Variants in SPON2 observed in about 807,000 individuals in gnomAD.
The protein encoded by SPON2 is spondin-2.
SPON2 carries 32 observed loss-of-function variants against 29.9 expected under a neutral mutation model. The observed-to-expected ratio is 1.07, with a 90% CI of 0.81 to 1.44. The LOEUF (loss-of-function observed/expected upper bound fraction) is 1.44. Ranked by LOEUF, SPON2 falls within the 40% of genes most tolerant of loss-of-function variation. The probability of loss-of-function intolerance (pLI) is 0.00; values close to 1 mark genes in which losing one functional copy is unlikely to be tolerated. For missense variants in SPON2, 541 were observed against 455.5 expected, an observed-to-expected ratio of 1.19 and a Z score of -1.71; for synonymous variants, 248 against 209.1, an observed-to-expected ratio of 1.19 and a Z score of -1.61.
upstream of SPON2, among the ~76,000 whole-genome samples, chr4:1,177,559 C>T (rs1727627736): frequency 6.6e-6 from 1 of 152,114 alleles, no homozygotes; most frequent in African/African-American, 2.4e-5. Context: ...GGCGAGCCTC[C>T]CCTAACTGCC....
intron 1 of SPON2, among the ~76,000 whole-genome samples, chr4:1,204,410 G>A (rs1157567007): frequency 6.6e-6 from 1 of 152,182 alleles, no homozygotes; most frequent in Non-Finnish European, 1.5e-5. Flanking sequence ...TACAGACCCG[G>A]GAGGGTGGCT....
At chr4:1,195,871 G>A (rs73188268), upstream of SPON2, among the ~76,000 whole-genome samples, 674 of 152,326 alleles carry the variant, frequency 4.4e-3, no homozygotes, top group Non-Finnish European at 7.2e-3. Flanking sequence ...CTGGCTTCGA[G>A]CCATCCTCCT....
At chr4:1,174,532 A>C (rs541049918), upstream of SPON2, among the ~76,000 whole-genome samples, 1 of 152,038 alleles carries the variant, frequency 6.6e-6, no homozygotes, top group African/African-American at 2.4e-5. Context: ...AACAAAAAAA[A>C]CTAATTGAGG....
chr4:1,174,812 C>G (rs781765409), upstream of SPON2, among the ~76,000 whole-genome samples: 1 of 152,194 alleles, frequency 6.6e-6, no homozygotes, highest in Non-Finnish European at 1.5e-5. Flanking sequence ...CATATCGGCT[C>G]CAGCACTTCA....
At chr4:1,186,919 C>T (rs571052634) in intron 1 of SPON2, among the ~76,000 whole-genome samples, 1 of 152,174 alleles carries the variant, frequency 6.6e-6, no homozygotes, top group Non-Finnish European at 1.5e-5. Context: ...CCCTGGAGAA[C>T]TATTGATGGG....
At chr4:1,175,330 G>A (rs1247439094), upstream of SPON2, among the ~76,000 whole-genome samples, 1 of 152,226 alleles carries the variant, frequency 6.6e-6, no homozygotes, top group Admixed American at 6.5e-5. Context: ...CCGTGGCAGC[G>A]GCTTCCAGGC....
At chr4:1,194,036 G>A (rs537077646) in intron 1 of SPON2, among the ~76,000 whole-genome samples, 89 of 152,154 alleles carry the variant, frequency 5.8e-4, no homozygotes, top group African/African-American at 2.0e-3. Context: ...CTGTGGCCCA[G>A]CAGCTGTTCC....
At chr4:1,191,792 C>T (rs890337727) in intron 1 of SPON2, among the ~76,000 whole-genome samples, 5 of 152,202 alleles carry the variant, frequency 3.3e-5, no homozygotes, top group Admixed American at 6.5e-5. Context: ...TGCGAGGCAG[C>T]GGTTGGATCA....
At chr4:1,168,329 CCCG>C (rs1240666615) in intron 5 of SPON2, among the ~76,000 whole-genome samples, 1 of 152,206 alleles carries the variant, frequency 6.6e-6, no homozygotes, top group Non-Finnish European at 1.5e-5. Flanking sequence ...GGCCAGGAGC[CCCG>C]CCTCACTCTG....
chr4:1,190,608 A>T (rs528665851), intron 1 of SPON2, among the ~76,000 whole-genome samples: 25 of 152,388 alleles, frequency 1.6e-4, no homozygotes, highest in African/African-American at 5.8e-4. Flanking sequence ...AGTTGGTTCA[A>T]TATGAATGAT....
chr4:1,191,151 T>C (rs1302665131), intron 1 of SPON2, among the ~76,000 whole-genome samples: 3 of 151,796 alleles, frequency 2.0e-5, no homozygotes, highest in African/African-American at 7.3e-5. Context: ...AGGCCTCAGA[T>C]TGCCAAAACT....
At chr4:1,176,834 A>ATC (rs1356936268), upstream of SPON2, among the ~76,000 whole-genome samples, 5 of 119,292 alleles carry the variant, frequency 4.2e-5, no homozygotes, top group Non-Finnish European at 8.7e-5. Flanking sequence ...TCATTCATTC[A>ATC]CACAGTTCAT....
chr4:1,171,440 G>T lies in SPON2; in HGVS notation c.267C>A (p.Tyr89Ter). 1 of 1,612,258 alleles carries T rather than the reference G, an allele frequency of 6.2e-7. No individual in the cohort carries two copies. The highest frequency in any genetic ancestry group is 8.5e-7 in the Non-Finnish European group (1 of 1,179,756). ...SDYSMWRKNQ[Y>*]VSNGLRDFAE... Reference sequence around the variant, plus strand: ...CAAAGTCGCGCAGCCCGTTACTGACGTACTGGTTCTTCCTCCACATGCTGT... The same window carrying T: ...CAAAGTCGCGCAGCCCGTTACTGACTTACTGGTTCTTCCTCCACATGCTGT... Residue 89 changes from tyrosine to a stop codon, truncating the protein, a stop_gained, in exon 3 of 6, where the codon TAC (tyrosine) becomes TAA (stop). Coordinates refer to ENST00000290902, the MANE Select transcript of SPON2 (RefSeq NM_012445.4). LOFTEE classifies it high-confidence loss of function.
In SPON2 at chr4:1,171,300, G is replaced by C; in HGVS notation, c.407C>G (p.Thr136Arg). The stretch of plus-strand genomic sequence containing the variant: ...GCGCTGCACCTCCAGCTCCGCCGAC[G>C]TCTGCCCGGTGCCGCTGGGGACGGC... Reference protein sequence around the residue: ...APAVPSGTGQTSAELEVQRRH... With the variant: ...APAVPSGTGQRSAELEVQRRH... The change falls in exon 3 of 6, where the codon ACG becomes AGG. Residue 136 changes from threonine to arginine, a missense_variant. Physicochemically the swap from Thr to Arg is moderately conservative, Grantham distance 71. Coordinates refer to ENST00000290902, the MANE Select transcript of SPON2 (RefSeq NM_012445.4). 6.3e-7 allele frequency: 1 copy of C among 1,591,146 alleles called. No homozygotes were observed. The highest frequency in any genetic ancestry group is 1.1e-5 in the South Asian group (1 of 89,278).
upstream of SPON2, among the ~76,000 whole-genome samples, chr4:1,174,506 A>T (rs573578020): frequency 5.4e-4 from 81 of 150,146 alleles, 4 homozygotes; most frequent in African/African-American, 2.0e-3. Flanking sequence ...AAAAAAACAA[A>T]AAAACAAAAA....
At chr4:1,171,517 A>T in intron 2 of SPON2, 31 bp from the exon 3 acceptor site, 1 of 1,596,620 alleles carries the variant, frequency 6.3e-7, no homozygotes, top group Non-Finnish European at 8.6e-7. Context: ...GCCGCGGACC[A>T]TGGTCAGACA....
At chr4:1,197,057 C>G (rs1490985962), upstream of SPON2, 4 of 152,194 alleles carry the variant, frequency 2.6e-5, no homozygotes. Context: ...CTCGGAAAGC[C>G]AACAGGACGG....
intron 1 of SPON2, among the ~76,000 whole-genome samples, chr4:1,201,643 C>T (rs1399987200): frequency 1.3e-5 from 2 of 151,722 alleles, no homozygotes; most frequent in African/African-American, 2.4e-5. Context: ...AGTGCAGTGG[C>T]GTGATCTCGG....
intron 4 of SPON2, 106 bp downstream of exon 4, chr4:1,170,893 C>T (rs779456615): frequency 1.1e-5 from 16 of 1,440,148 alleles, no homozygotes; most frequent in South Asian, 2.4e-5. Flanking sequence ...ACACAAAAGC[C>T]GCAAGCGGCT....
Sources: gnomAD v4.1 joint callset for allele counts (sites outside exome capture counted in the v4.1 genomes callset) on GRCh38, gnomAD v4.1.1 for gene constraint, MANE v1.5 for transcripts, NCBI Gene and HGNC (gene_info 2026-07-23, HGNC 2026-07-21) for gene names.